The following MBNL2 variants were observed in gnomAD, a reference collection of about 807,000 sequenced individuals.
MBNL2 encodes the protein muscleblind-like protein 2.
A neutral mutation model predicts 41.9 loss-of-function variants in MBNL2; 17 were observed. The observed-to-expected ratio is 0.41, with a 90% confidence interval of 0.28 to 0.61. The LOEUF (loss-of-function observed/expected upper bound fraction) is 0.61, where lower values mean the gene tolerates loss of function less well. MBNL2 is among the 20% of genes least tolerant of loss of function. MBNL2 has a pLI of 0.35. For synonymous variants in MBNL2, 195 were observed against 182.9 expected (o/e 1.07, Z -0.53); for missense variants, 336 against 505.6 (o/e 0.66, Z 3.22).
chr13:97,328,640 GAC>G (rs1491206404), intron 2 of MBNL2, among the ~76,000 whole-genome samples: 3 of 149,574 alleles, frequency 2.0e-5, no homozygotes, highest in Non-Finnish European at 2.9e-5. Flanking sequence ...CCCATGTAAA[GAC>G]ACAGTTCAAA....
rs1251352559 is a variant in MBNL2 at position 97,334,684 on chromosome 13, T to C, written c.339+244T>C. Among the ~76,000 whole-genome samples the C allele has an allele frequency of 6.6e-6, 1 of 152,334 alleles. No individual in the cohort carries two copies. Among genetic ancestry groups the C allele is most frequent in the Middle Eastern group, 3.4e-3 (1 of 294 alleles). On this transcript the variant is annotated intron_variant, in intron 3 of 8. Transcript: ENST00000679496. This position sits in a 1 kb window ranked among gnomAD's most constrained non-coding sequence, Gnocchi z 5.3. ...TGGGAAATCTGTATCACTCCAACTCTTTTCACCAGTAACTCTCTATCTCAG... is the reference window on the plus strand; with the variant it reads ...TGGGAAATCTGTATCACTCCAACTCCTTTCACCAGTAACTCTCTATCTCAG...
intron 4 of MBNL2, among the ~76,000 whole-genome samples, chr13:97,344,493 A>C (rs150740074): frequency 6.6e-6 from 1 of 152,360 alleles, no homozygotes; most frequent in African/African-American, 2.4e-5. Flanking sequence ...TAACCCAATA[A>C]ACCTTGAAGG....
At chr13:97,212,373 G>A in the MBNL2 span, among the ~76,000 whole-genome samples, 1,365 of 152,118 alleles carry the variant, frequency 9.0e-3, 21 homozygotes, top group African/African-American at 0.031. Flanking sequence ...CTGGCCCCAC[G>A]GTAGAAGCCA....
At chr13:97,383,493 T>C (rs367979552) in intron 8 of MBNL2, among the ~76,000 whole-genome samples, 2 of 152,232 alleles carry the variant, frequency 1.3e-5, no homozygotes, top group East Asian at 1.9e-4. Context: ...TAAAAATATT[T>C]TGTTCAAATA....
intron 1 of MBNL2, among the ~76,000 whole-genome samples, chr13:97,226,565 T>G (rs1029561420): frequency 1.3e-5 from 2 of 152,172 alleles, no homozygotes; most frequent in African/African-American, 4.8e-5. Flanking sequence ...TAATATTAAT[T>G]TAGCATTGTT....
At chr13:97,364,827 A>C (rs139429582) in intron 7 of MBNL2, among the ~76,000 whole-genome samples, 1 of 152,304 alleles carries the variant, frequency 6.6e-6, no homozygotes, top group African/African-American at 2.4e-5. Flanking sequence ...TGTCTGTAAA[A>C]TACTTTGAGG....
the MBNL2 span, among the ~76,000 whole-genome samples, chr13:97,157,758 G>T: frequency 2.0e-5 from 3 of 149,412 alleles, no homozygotes; most frequent in African/African-American, 7.4e-5. Flanking sequence ...CTTGATCATG[G>T]TGGATAAGCT....
chr13:97,165,066 T>C, the MBNL2 span, among the ~76,000 whole-genome samples: 5 of 152,266 alleles, frequency 3.3e-5, no homozygotes, highest in African/African-American at 1.2e-4. Context: ...TAGCCAGGCA[T>C]GGTGGTGATC....
chr13:97,235,112 A>C (rs1421918403), intron 1 of MBNL2, among the ~76,000 whole-genome samples: 1 of 152,144 alleles, frequency 6.6e-6, no homozygotes, highest in East Asian at 1.9e-4. Flanking sequence ...AGGTGACCAC[A>C]TTTTCATGTA....
the MBNL2 span, among the ~76,000 whole-genome samples, chr13:97,207,640 G>A: frequency 6.6e-6 from 1 of 152,146 alleles, no homozygotes; most frequent in Non-Finnish European, 1.5e-5. Context: ...AGATTTGGGT[G>A]GGAACAGAGC....
At chr13:97,347,457 G>T (rs1244030040) in intron 5 of MBNL2, among the ~76,000 whole-genome samples, 1 of 152,216 alleles carries the variant, frequency 6.6e-6, no homozygotes, top group Non-Finnish European at 1.5e-5. Flanking sequence ...AGCACGAGGA[G>T]GCACCCAGCT....
chr13:97,293,470 C>G (rs1256508785), intron 2 of MBNL2, among the ~76,000 whole-genome samples: 1 of 152,162 alleles, frequency 6.6e-6, no homozygotes, highest in Non-Finnish European at 1.5e-5. Context: ...GTACCTGGTA[C>G]ATGACACTTG....
chr13:97,187,191 A>G, the MBNL2 span, among the ~76,000 whole-genome samples: 18 of 152,104 alleles, frequency 1.2e-4, no homozygotes, highest in African/African-American at 4.3e-4. Context: ...AAAGTATGTA[A>G]TTTTTGTTTT....
chr13:97,292,612 C>G lies in MBNL2; in HGVS notation c.174+16203C>G, dbSNP rs139026288. ...TTCAATTCTAAATAAAAATCTAGCT[C>G]ATTTTTACATGAAGTTTAAGCCCAC... On this transcript the variant is annotated intron_variant, in intron 2 of 8. Transcript: ENST00000679496. Among the ~76,000 whole-genome samples the G allele has an allele frequency of 1.5e-3, 225 of 151,700 alleles. 1 individual carries two copies. Among genetic ancestry groups the G allele is most frequent in the Non-Finnish European group, 2.5e-3 (167 of 67,946 alleles).
chr13:97,309,363 G>A (rs1285007712), intron 2 of MBNL2, among the ~76,000 whole-genome samples: 3 of 152,154 alleles, frequency 2.0e-5, no homozygotes, highest in African/African-American at 2.4e-5. Flanking sequence ...CCCTTTACAG[G>A]GGTGGTCAAT....
intron 1 of MBNL2, among the ~76,000 whole-genome samples, chr13:97,250,186 A>G (rs905679189): frequency 4.6e-5 from 7 of 152,160 alleles, no homozygotes; most frequent in African/African-American, 7.2e-5. Context: ...ATATCTGCCA[A>G]TAGTTCTCTG....
intron 2 of MBNL2, among the ~76,000 whole-genome samples, chr13:97,332,260 C>T (rs934829386): frequency 7.2e-5 from 11 of 152,192 alleles, no homozygotes; most frequent in Non-Finnish European, 1.3e-4. Flanking sequence ...ACAAGAAATG[C>T]ATTCTGTATA....
chr13:97,374,976 C>T (rs907274759), intron 8 of MBNL2, among the ~76,000 whole-genome samples: 2 of 152,084 alleles, frequency 1.3e-5, no homozygotes, highest in Non-Finnish European at 1.5e-5. Flanking sequence ...TTGCTGTGAG[C>T]GGAATGGAAT....
At chr13:97,284,591 T>C (rs2054065721) in intron 2 of MBNL2, among the ~76,000 whole-genome samples, 2 of 152,160 alleles carry the variant, frequency 1.3e-5, no homozygotes, top group African/African-American at 4.8e-5. Flanking sequence ...GAACTGGGGG[T>C]TAGGACTTCA....
Sources: allele counts gnomAD v4.1 joint callset (sites outside exome capture counted in the v4.1 genomes callset), GRCh38; gene constraint gnomAD v4.1.1; non-coding constraint Gnocchi (gnomAD v3.1); transcripts MANE v1.5; gene names NCBI Gene and HGNC (gene_info 2026-07-23, HGNC 2026-07-21).